ZNF347: variants seen among roughly 807,000 people sequenced by gnomAD.
ZNF347 encodes the protein zinc finger protein 347, also known as CTD-2620I22.7.
Under a neutral mutation model 12.9 loss-of-function variants are expected in ZNF347, and 19 were observed. The ratio of observed to expected loss-of-function variants is 1.47; its 90% CI spans 1.03 to 2.16. The LOEUF is 2.16. Ranked by LOEUF, ZNF347 falls within the 30% of genes most tolerant of loss-of-function variation. ZNF347 has a pLI of 0.00. For missense variants in ZNF347, 1,005 were observed against 990.6 expected, an observed-to-expected ratio of 1.01 and a Z score of -0.19; for synonymous variants, 328 against 340.6, an observed-to-expected ratio of 0.96 and a Z score of 0.41.
At chr19:53,148,538 A>G (rs958924326) in intron 4 of ZNF347, 143 bp downstream of exon 4, 2 of 1,012,584 alleles carry the variant, frequency 2.0e-6, no homozygotes, top group Non-Finnish European at 2.8e-6. Context: ...AGTCTAAAGG[A>G]TAGACAAAAG....
Position 53,148,815 on chromosome 19 carries a change from T to G in ZNF347, c.143-6A>C. ...GAGGTCAAAACAAGAGATTCCTGCT[T>G]ATGAAAAGAAAGGAAAACAATGGGC... is the stretch of plus-strand genomic sequence containing the variant. On this transcript the variant is annotated splice_region_variant and splice_polypyrimidine_tract_variant and intron_variant, in intron 3 of 4. Coordinates refer to ENST00000334197, the MANE Select transcript of ZNF347 (RefSeq NM_032584.3). The G allele has an allele frequency of 1.2e-6, 2 of 1,612,224 alleles. No homozygotes were observed. Among genetic ancestry groups the G allele is most frequent in the Non-Finnish European group, 1.7e-6 (2 of 1,179,220 alleles).
chr19:53,140,310 A>G lies in ZNF347; in HGVS notation c.2518T>C (p.Ter840GlnextTer67), dbSNP rs751521282. 18 of 1,541,074 alleles carry G rather than the reference A, an allele frequency of 1.2e-5. No homozygotes were observed. The highest frequency in any genetic ancestry group is 8.3e-5 in the African/African-American group (6 of 72,232). ...TTCATTTGTAAGGTTTCTCTCCACT[A>G]TGAATTCTGTGATGGCTTGCAAGGT... is the stretch of plus-strand genomic sequence containing the variant. The part of the protein sequence containing the change: ...FKPCKPSQNS[*>Q] The change falls in exon 5 of 5, where the codon TAG becomes CAG. Residue 840 changes from the stop codon to glutamine, a stop_lost. Transcript: ENST00000334197.
chr19:53,148,842 G>A, intron 3 of ZNF347, 33 bp from the exon 4 acceptor site: 2 of 1,607,492 alleles, frequency 1.2e-6, no homozygotes, highest in Non-Finnish European at 1.7e-6. Flanking sequence ...ACAATGGGCT[G>A]TAGATTTTCC....
At chr19:53,155,792 GGTA>G (rs1418610257) in intron 1 of ZNF347, among the ~76,000 whole-genome samples, 3 of 152,156 alleles carry the variant, frequency 2.0e-5, no homozygotes, top group African/African-American at 7.2e-5. Context: ...GCTGGTACAT[GGTA>G]CACAATTGCA....
chr19:53,141,390 T>C lies in ZNF347; in HGVS notation c.1438A>G (p.Thr480Ala). 1 of 1,614,068 alleles carries C rather than the reference T, an allele frequency of 6.2e-7. No homozygotes were observed. Among genetic ancestry groups the C allele is most frequent in the African/African-American group, 1.3e-5 (1 of 75,054 alleles). The change falls in exon 5 of 5, where the codon ACT becomes GCT. Residue 480 changes from threonine to alanine, a missense_variant. By Grantham distance (58) the Thr-to-Ala change is moderately conservative (BLOSUM62 0). Transcript: ENST00000334197. ...TTACACTTATAAGGTTTCTCTCCAG[T>C]ATGAATTAGCTGATGCCTTGCAAGG... ...SHLARHQLIH[T>A]GEKPYKCNEC...
chr19:53,144,896 A>G (rs1568639009), intron 4 of ZNF347, among the ~76,000 whole-genome samples: 1 of 152,132 alleles, frequency 6.6e-6, no homozygotes, highest in South Asian at 2.1e-4. Context: ...TTAAGACACC[A>G]AACAAGTCTC....
At chr19:53,145,820 A>G (rs10423215) in intron 4 of ZNF347, among the ~76,000 whole-genome samples, 131,984 of 151,874 alleles carry the variant, frequency 0.87, 57,409 homozygotes, top group Admixed American at 0.9. Context: ...AACAAATAAA[A>G]CACCTAATGA....
At position 53,141,981 on chromosome 19, in the gene ZNF347, G is replaced by A. The variant is rs771318996; in HGVS notation, c.847C>T (p.His283Tyr). Residue 283 changes from histidine (H) to tyrosine (Y), a missense_variant, in exon 5 of 5, where the codon CAT becomes TAT. Physicochemically the swap from His to Tyr is moderately conservative, Grantham distance 83 (BLOSUM62 2). Transcript: ENST00000334197. ...NSHLASHQRS[H>Y]TKEKPYKCYE... is the part of the protein sequence containing the mutation. ...CATTTGTAAGGTTTCTCTTTAGTAT[G>A]ACTTCTCTGATGACTTGCAAGGTGT... 3 of 1,614,012 alleles carry A rather than the reference G, an allele frequency of 1.9e-6. No individual in the cohort carries two copies. The highest frequency in any genetic ancestry group is 3.3e-5 in the Admixed American group (2 of 59,992).
At chr19:53,151,703 A>G (rs1342474749) in intron 2 of ZNF347, among the ~76,000 whole-genome samples, 1 of 152,192 alleles carries the variant, frequency 6.6e-6, no homozygotes, top group Non-Finnish European at 1.5e-5. Context: ...TATTCTTACT[A>G]TTAAATCATT....
chr19:53,149,619 G>A (rs916400978), intron 2 of ZNF347: 23 of 579,044 alleles, frequency 4.0e-5, no homozygotes, highest in African/African-American at 3.2e-4. Flanking sequence ...TCAGAATGGC[G>A]GGGTGGTCAC....
chr19:53,141,826 T>C lies in ZNF347; in HGVS notation c.1002A>G (p.Gln334=), dbSNP rs1472335406. 4 of 1,613,956 alleles carry C rather than the reference T, an allele frequency of 2.5e-6. No individual in the cohort carries two copies. Among genetic ancestry groups the C allele is most frequent in the Non-Finnish European group, 3.4e-6 (4 of 1,180,004 alleles). ...KVFSRNSQLS[Q]HQKIHTGEKP... The stretch of plus-strand genomic sequence containing the variant: ...TCTCTCCAGTGTGAATTTTCTGATG[T>C]TGTGAGAGTTGTGAATTTCGACTAA... Residue 334 remains glutamine (Q), a synonymous_variant, in exon 5 of 5, where the codon CAA becomes CAG. Transcript: ENST00000334197.
chr19:53,148,715 T>C lies in ZNF347; in HGVS notation c.237A>G (p.Pro79=). The C allele has an allele frequency of 6.2e-7, 1 of 1,614,082 alleles. No homozygotes were observed. Among genetic ancestry groups the C allele is most frequent in the Non-Finnish European group, 8.5e-7 (1 of 1,179,952 alleles). The change falls in exon 4 of 5, where the codon CCA becomes CCG. Residue 79 remains proline (P), a synonymous_variant. Coordinates refer to ENST00000334197, the MANE Select transcript of ZNF347 (RefSeq NM_032584.3). ...CAGCTTTGATCCATTCCCATCCATC[T>C]GGGTTTCCTGCTATTTGTACTTGGC... The part of the protein sequence containing the change: ...LESQVQIAGN[P]DGWEWIKAVI...
chr19:53,142,225 T>C lies in ZNF347; in HGVS notation c.603A>G (p.Glu201=), dbSNP rs1568637467. ...HLPELQLFQY[E]GKIYECNQVE... ...CCTGATTACATTCATAAATTTTCCC[T>C]TCATATTGAAAAAGCTGCAGTTCAG... The change falls in exon 5 of 5, where the codon GAA becomes GAG. Residue 201 remains glutamate (E), a synonymous_variant. Transcript: ENST00000334197. 1 of 1,613,200 alleles carries C rather than the reference T, an allele frequency of 6.2e-7. No individual in the cohort carries two copies. The highest frequency in any genetic ancestry group is 8.5e-7 in the Non-Finnish European group (1 of 1,179,742).
intron 1 of ZNF347, among the ~76,000 whole-genome samples, chr19:53,158,341 C>T (rs2090549080): frequency 6.6e-6 from 1 of 152,122 alleles, no homozygotes; most frequent in Non-Finnish European, 1.5e-5. Flanking sequence ...GACGCGGCCT[C>T]GCCGGTACCG....
Position 53,141,092 on chromosome 19 carries a change from G to A in ZNF347, c.1736C>T (p.Thr579Ile), listed in dbSNP as rs577845897. The change falls in exon 5 of 5, where the codon ACT (threonine) becomes ATT (isoleucine). Residue 579 changes from threonine to isoleucine, a missense_variant. Physicochemically the swap from Thr to Ile is moderately conservative, Grantham distance 89. Transcript: ENST00000334197. ...ATGTCTTGCAAGGTGTGAATTCTGA[G>A]TGAAGACCTTGCCACACTCATTACA... ...YKCNECGKVF[T>I]QNSHLARHRG... 4 of 1,613,398 alleles carry A rather than the reference G, an allele frequency of 2.5e-6. No individual in the cohort carries two copies. The highest frequency in any genetic ancestry group is 4.5e-5 in the East Asian group (2 of 44,836).
At position 53,141,919 on chromosome 19, in the gene ZNF347, G is replaced by A; in HGVS notation, c.909C>T (p.Asn303=). 6.2e-7 allele frequency: 1 copy of A among 1,613,822 alleles called. No individual in the cohort carries two copies. The highest frequency in any genetic ancestry group is 8.5e-7 in the Non-Finnish European group (1 of 1,179,932). Residue 303 remains asparagine, a synonymous_variant, in exon 5 of 5, where the codon AAC becomes AAT. Coordinates refer to ENST00000334197, the MANE Select transcript of ZNF347 (RefSeq NM_032584.3). ...ECGKAFRTRS[N]LTTHQVIHTG... ...TATGGATCACCTGATGGGTAGTTAG[G>A]TTTGAACGTGTTCTAAAGGCTTTGC...
At chr19:53,151,888 T>C (rs895594327) in intron 2 of ZNF347, among the ~76,000 whole-genome samples, 3 of 151,300 alleles carry the variant, frequency 2.0e-5, no homozygotes, top group African/African-American at 7.3e-5. Flanking sequence ...AGGTCAGGAG[T>C]TCGAGACCAG....
chr19:53,148,985 T>G, intron 3 of ZNF347, 176 bp from the exon 4 acceptor site: 1 of 1,081,346 alleles, frequency 9.2e-7, no homozygotes, highest in Non-Finnish European at 1.3e-6. Context: ...AATATATAGC[T>G]CTCATCCCAA....
At chr19:53,144,053 A>T (rs893985935) in intron 4 of ZNF347, among the ~76,000 whole-genome samples, 9 of 151,712 alleles carry the variant, frequency 5.9e-5, no homozygotes, top group Non-Finnish European at 1.0e-4. Context: ...TTGTTTTCTA[A>T]CTTCTCTCTT....
Sources: gnomAD v4.1 joint callset for allele counts (sites outside exome capture counted in the v4.1 genomes callset) on GRCh38, gnomAD v4.1.1 for gene constraint, MANE v1.5 for transcripts, NCBI Gene and HGNC (gene_info 2026-07-23, HGNC 2026-07-21) for gene names.